The following ANXA8 variants were observed in gnomAD, a reference collection of about 807,000 sequenced individuals.
ANXA8 encodes annexin A8.
Under a neutral mutation model 26.8 loss-of-function variants are expected in ANXA8, and 9 were observed. That is an observed-to-expected ratio of 0.34 (90% CI 0.20 to 0.59). ANXA8 has a LOEUF of 0.59. Ranked by LOEUF, ANXA8 falls within the 20% of genes least tolerant of loss-of-function variation. The pLI, the probability that ANXA8 is intolerant of heterozygous loss-of-function variation, is 0.84. For missense variants in ANXA8, 83 were observed against 238.5 expected (o/e 0.35, Z 4.29); for synonymous variants, 39 against 94.8 (o/e 0.41, Z 3.42).
the ANXA8 span, among the ~76,000 whole-genome samples, chr10:47,720,981 T>C: frequency 1.6e-5 from 2 of 127,830 alleles, 1 homozygote; most frequent in Admixed American, 1.6e-4. Flanking sequence ...ACCCCATCTC[T>C]ACCAAAAAAA....
At chr10:47,745,036 G>T in the ANXA8 span, among the ~76,000 whole-genome samples, 4 of 151,786 alleles carry the variant, frequency 2.6e-5, no homozygotes, top group African/African-American at 9.7e-5. Flanking sequence ...TTGGCTCCAG[G>T]CATTGGGCGG....
the ANXA8 span, among the ~76,000 whole-genome samples, chr10:47,648,600 T>A: frequency 7.7e-6 from 1 of 129,872 alleles, no homozygotes. Flanking sequence ...TAACCATATG[T>A]TTTATTTTGT....
the ANXA8 span, among the ~76,000 whole-genome samples, chr10:47,512,905 ATC>A: frequency 9.0e-6 from 1 of 111,038 alleles, no homozygotes; most frequent in Non-Finnish European, 1.8e-5. Flanking sequence ...CTTTTTCTGC[ATC>A]TGTTAAGATG....
chr10:47,611,532 A>AT, the ANXA8 span, among the ~76,000 whole-genome samples: 2 of 143,056 alleles, frequency 1.4e-5, no homozygotes, highest in Non-Finnish European at 3.0e-5. Context: ...CAAAACTTTC[A>AT]TTTTTGAATT....
the ANXA8 span, among the ~76,000 whole-genome samples, chr10:47,508,981 C>T: frequency 7.6e-6 from 1 of 132,216 alleles, no homozygotes; most frequent in Admixed American, 7.4e-5. Flanking sequence ...CTTCTTGAAG[C>T]CAATTTGCCC....
the ANXA8 span, among the ~76,000 whole-genome samples, chr10:47,735,197 G>A: frequency 1.5e-4 from 22 of 146,904 alleles, no homozygotes; most frequent in Non-Finnish European, 2.5e-4. Flanking sequence ...CCTCCTGGGC[G>A]CAAGCAATCC....
At chr10:47,502,328 G>A in the ANXA8 span, 1 of 1,602,988 alleles carries the variant, frequency 6.2e-7, no homozygotes, top group Non-Finnish European at 8.5e-7. Context: ...ATGGCTGTCT[G>A]CAGGTCCTCA....
chr10:47,485,107 A>G (rs1314859939), upstream of ANXA8, among the ~76,000 whole-genome samples: 2 of 151,806 alleles, frequency 1.3e-5, no homozygotes, highest in Non-Finnish European at 2.9e-5. Context: ...TTGGAGCTAA[A>G]GTATCTATAA....
At chr10:47,491,735 G>A in the ANXA8 span, 1 of 1,546,016 alleles carries the variant, frequency 6.5e-7, no homozygotes, top group African/African-American at 1.4e-5. Context: ...TGCTTTTATA[G>A]CTGCCTCTGG....
the ANXA8 span, among the ~76,000 whole-genome samples, chr10:47,942,043 T>G: frequency 8.1e-5 from 12 of 147,678 alleles, 1 homozygote; most frequent in South Asian, 2.1e-4. Context: ...TTAAAATCAG[T>G]TGCTAAGCCG....
the ANXA8 span, among the ~76,000 whole-genome samples, chr10:47,981,148 A>G: frequency 2.0e-5 from 3 of 151,826 alleles, 1 homozygote; most frequent in African/African-American, 7.2e-5. Flanking sequence ...TTGGTTTAAC[A>G]TAATAAAATA....
the ANXA8 span, among the ~76,000 whole-genome samples, chr10:47,686,480 G>T: frequency 6.6e-6 from 1 of 151,814 alleles, no homozygotes. Context: ...CCGAAGTCCT[G>T]GGATTACAGG....
the ANXA8 span, among the ~76,000 whole-genome samples, chr10:47,776,606 GT>G: frequency 6.6e-6 from 1 of 152,022 alleles, no homozygotes; most frequent in African/African-American, 2.4e-5. Context: ...CCCAGATAAA[GT>G]ATTTATCATT....
At chr10:47,564,622 C>T in the ANXA8 span, 3 of 328,692 alleles carry the variant, frequency 9.1e-6, 1 homozygote, top group Non-Finnish European at 1.6e-5. Context: ...GCATGGCCAT[C>T]ATCACGGGGG....
chr10:47,918,415 A>G, the ANXA8 span, among the ~76,000 whole-genome samples: 1 of 32,018 alleles, frequency 3.1e-5, no homozygotes, highest in African/African-American at 1.9e-4. Context: ...GAAAGAAAGA[A>G]AGAAAGAAAG....
the ANXA8 span, chr10:47,590,053 G>A: frequency 6.8e-6 from 1 of 146,160 alleles, no homozygotes; most frequent in Non-Finnish European, 1.5e-5. Flanking sequence ...GGGGTGGCAA[G>A]TTCATCCTAT....
the ANXA8 span, among the ~76,000 whole-genome samples, chr10:47,544,069 T>C: frequency 2.0e-5 from 3 of 151,414 alleles, no homozygotes; most frequent in Non-Finnish European, 4.4e-5. Context: ...GGAAGGAAAC[T>C]GAAGGCACGC....
chr10:47,969,119 G>A, the ANXA8 span, among the ~76,000 whole-genome samples: 2 of 150,762 alleles, frequency 1.3e-5, no homozygotes, highest in East Asian at 1.9e-4. Flanking sequence ...AGAGGTCAGT[G>A]GAGGTGGAGA....
chr10:47,765,931 C>T, the ANXA8 span, among the ~76,000 whole-genome samples: 1 of 149,204 alleles, frequency 6.7e-6, no homozygotes, highest in Non-Finnish European at 1.5e-5. Context: ...CTCAATGCCC[C>T]TCCCACCCTC....
Sources: allele counts gnomAD v4.1 joint callset (sites outside exome capture counted in the v4.1 genomes callset), GRCh38; gene constraint gnomAD v4.1.1; transcripts MANE v1.5; gene names NCBI Gene and HGNC (gene_info 2026-07-23, HGNC 2026-07-21).